Variants in GRID2 observed in about 807,000 individuals in gnomAD.
GRID2 encodes glutamate receptor ionotropic, delta-2.
A neutral mutation model predicts 114.8 loss-of-function variants in GRID2; 33 were observed. That is an observed-to-expected ratio of 0.29 (90% confidence interval 0.22 to 0.38). The LOEUF (loss-of-function observed/expected upper bound fraction) is 0.38. Among genes scored for constraint, GRID2 ranks in the 10% least tolerant of loss-of-function variants. GRID2 has a pLI of 1.00. For missense variants in GRID2, 1,184 were observed against 1,257.7 expected (o/e 0.94, Z 0.89); for synonymous variants, 505 against 449.9 (o/e 1.12, Z -1.55).
chr4:92,384,689 A>G (rs1349011569), intron 1 of GRID2, among the ~76,000 whole-genome samples: 3 of 110,280 alleles, frequency 2.7e-5, no homozygotes, highest in African/African-American at 1.0e-4. Flanking sequence ...TATATATAAT[A>G]TATATGAGAC....
chr4:93,732,841 C>T (rs1370935833), intron 14 of GRID2, among the ~76,000 whole-genome samples: 2 of 151,864 alleles, frequency 1.3e-5, no homozygotes, highest in Admixed American at 6.6e-5. Context: ...CTTACCTTCT[C>T]TCCATAATAA....
At chr4:92,685,718 G>T (rs1488913440) in intron 2 of GRID2, among the ~76,000 whole-genome samples, 1 of 151,918 alleles carries the variant, frequency 6.6e-6, no homozygotes, top group Non-Finnish European at 1.5e-5. Context: ...CAACCCTAAA[G>T]AATGATGGGA....
At chr4:93,591,648 T>G (rs1382429510) in intron 13 of GRID2, among the ~76,000 whole-genome samples, 2 of 151,884 alleles carry the variant, frequency 1.3e-5, no homozygotes, top group Non-Finnish European at 2.9e-5. Flanking sequence ...TTCCTCCTTG[T>G]ACCTCTGGTA....
At chr4:92,871,960 C>T (rs542063535) in intron 2 of GRID2, among the ~76,000 whole-genome samples, 4 of 151,986 alleles carry the variant, frequency 2.6e-5, no homozygotes, top group Admixed American at 6.6e-5. Flanking sequence ...GTGAAATTTG[C>T]GTATAAAAAG....
At chr4:93,324,620 C>T (rs1757625221) in intron 8 of GRID2, among the ~76,000 whole-genome samples, 2 of 152,084 alleles carry the variant, frequency 1.3e-5, no homozygotes, top group South Asian at 4.1e-4. Flanking sequence ...GGTACCAGCT[C>T]CTCTTTGTAC....
At chr4:93,381,764 A>G (rs985734764) in intron 8 of GRID2, among the ~76,000 whole-genome samples, 1 of 152,142 alleles carries the variant, frequency 6.6e-6, no homozygotes, top group Non-Finnish European at 1.5e-5. Context: ...ATTTTTAAAT[A>G]TATCAGTTTC....
chr4:92,451,028 T>G (rs1023666875), intron 1 of GRID2, among the ~76,000 whole-genome samples: 1 of 151,988 alleles, frequency 6.6e-6, no homozygotes, highest in African/African-American at 2.4e-5. Context: ...ATTTAACAAA[T>G]ATATTCAGCA....
intron 8 of GRID2, among the ~76,000 whole-genome samples, chr4:93,358,266 A>G (rs890615547): frequency 4.0e-5 from 6 of 151,876 alleles, no homozygotes; most frequent in Admixed American, 6.6e-5. Context: ...TACTTTAAAA[A>G]TATTAATTAA....
chr4:92,951,714 A>C lies in GRID2; in HGVS notation c.245-133281A>C, dbSNP rs374073235. On this transcript the variant is annotated intron_variant, in intron 2 of 15. Coordinates refer to ENST00000282020, the MANE Select transcript of GRID2 (RefSeq NM_001510.4). ...ATGCCAAGCCATTAGTTTTGCACCA[A>C]ACTGTGTGACCCAAACACCCAATTC... Among the ~76,000 whole-genome samples the C allele has an allele frequency of 1.1e-4, 17 of 152,276 alleles. 1 individual carries two copies. The highest frequency in any genetic ancestry group is 4.1e-4 in the African/African-American group (17 of 41,574).
At chr4:92,317,327 T>C (rs1726044453) in intron 1 of GRID2, among the ~76,000 whole-genome samples, 1 of 152,204 alleles carries the variant, frequency 6.6e-6, no homozygotes, top group Non-Finnish European at 1.5e-5. Context: ...ATAAAGTTTC[T>C]TTACAAGTGG....
intron 1 of GRID2, among the ~76,000 whole-genome samples, chr4:92,358,880 C>T (rs575327199): frequency 3.3e-5 from 5 of 151,984 alleles, no homozygotes; most frequent in African/African-American, 1.2e-4. Context: ...TATATGTATG[C>T]TGTATTCTAA....
rs539849283 is a variant in GRID2, at chr4:92,436,431, A to C, written c.88+131687A>C. Among the ~76,000 whole-genome samples, 5 of 152,268 alleles carry C rather than the reference A, an allele frequency of 3.3e-5. No individual in the cohort carries two copies. The South Asian group carries it at 1.0e-3, about 32-fold the overall frequency. ...TAATCAATTTGTTATTATAGGGCTA[A>C]AGATTTCAGTACACATTTCTGGGCA... On this transcript the variant is annotated intron_variant, in intron 1 of 15. Transcript: ENST00000282020.
chr4:92,548,484 C>A (rs1260415062), intron 1 of GRID2, among the ~76,000 whole-genome samples: 2 of 128,048 alleles, frequency 1.6e-5, no homozygotes, highest in Non-Finnish European at 3.1e-5. Flanking sequence ...TCACTGCAAC[C>A]TCCGCCTGCC....
Position 93,592,469 on chromosome 4 carries a change from A to C in GRID2, c.2194-33800A>C, listed in dbSNP as rs573605085. 1.6e-4 allele frequency among the ~76,000 whole-genome samples: 25 copies of C among 152,168 alleles called. No homozygotes were observed. The South Asian group carries it at 5.0e-3, about 30-fold the overall frequency. On this transcript the variant is annotated intron_variant, in intron 13 of 15. Transcript: ENST00000282020. ...TTTTACATTTGCTGAGGAGTGCTTT[A>C]CTTCCAAGTATGTGGTCAATTTTGG...
At chr4:92,378,040 C>A (rs1303739320) in intron 1 of GRID2, among the ~76,000 whole-genome samples, 1 of 151,272 alleles carries the variant, frequency 6.6e-6, no homozygotes, top group Non-Finnish European at 1.5e-5. Flanking sequence ...AAATTACTGT[C>A]TTTTTGTATC....
intron 4 of GRID2, among the ~76,000 whole-genome samples, chr4:93,171,936 G>A (rs1011126005): frequency 6.6e-6 from 1 of 152,060 alleles, no homozygotes; most frequent in African/African-American, 2.4e-5. Context: ...TTTCAATATA[G>A]CTCTAAAGCC....
intron 2 of GRID2, among the ~76,000 whole-genome samples, chr4:92,847,045 C>T (rs1348417433): frequency 2.6e-5 from 4 of 152,034 alleles, no homozygotes; most frequent in African/African-American, 7.2e-5. Flanking sequence ...TTTCCATTTT[C>T]TCTCACTATG....
At chr4:93,505,720 C>A (rs1728565377) in intron 12 of GRID2, among the ~76,000 whole-genome samples, 1 of 149,556 alleles carries the variant, frequency 6.7e-6, no homozygotes, top group Admixed American at 6.7e-5. Context: ...TTAATATATA[C>A]CAAATATTTG....
intron 13 of GRID2, among the ~76,000 whole-genome samples, chr4:93,564,541 G>A (rs1231566793): frequency 6.6e-6 from 1 of 152,024 alleles, no homozygotes; most frequent in Non-Finnish European, 1.5e-5. Context: ...TTAACATGTT[G>A]ACAGCACACA....
Sources: allele counts gnomAD v4.1 joint callset (sites outside exome capture counted in the v4.1 genomes callset), GRCh38; gene constraint gnomAD v4.1.1; transcripts MANE v1.5; gene names NCBI Gene and HGNC (gene_info 2026-07-23, HGNC 2026-07-21).